TNFSF10: variants seen among roughly 807,000 people sequenced by gnomAD.
TNFSF10 encodes tumor necrosis factor ligand superfamily member 10.
A neutral mutation model predicts 29.5 loss-of-function variants in TNFSF10; 13 were observed. The ratio of observed to expected loss-of-function variants is 0.44; its 90% CI spans 0.29 to 0.70. TNFSF10 has a LOEUF of 0.70. TNFSF10 is among the 30% of genes least tolerant of loss of function. The pLI, the probability that TNFSF10 is intolerant of heterozygous loss-of-function variation, is 0.13. For synonymous variants in TNFSF10, 111 were observed against 112.8 expected (o/e 0.98, Z 0.10); for missense variants, 345 against 330.9 (o/e 1.04, Z -0.33).
chr3:172,510,166 A>AAGGGACTTAC (rs922240786), intron 3 of TNFSF10, among the ~76,000 whole-genome samples: 3 of 152,206 alleles, frequency 2.0e-5, no homozygotes, highest in African/African-American at 7.2e-5. Context: ...CCATGTCCTC[A>AAGGGACTTAC]AGGGACTTAC....
chr3:172,519,315 G>T (rs541062585), intron 1 of TNFSF10, among the ~76,000 whole-genome samples: 1 of 152,302 alleles, frequency 6.6e-6, no homozygotes, highest in East Asian at 1.9e-4. Context: ...CATTTTTATA[G>T]TAGAATTGAA....
intron 1 of TNFSF10, chr3:172,522,260 T>C: frequency 1.6e-6 from 1 of 642,014 alleles, no homozygotes; most frequent in East Asian, 3.0e-5. Context: ...CAAAGAGCAA[T>C]AGACCTCATG....
At chr3:172,514,180 T>C (rs1224509373) in intron 2 of TNFSF10, among the ~76,000 whole-genome samples, 1 of 152,202 alleles carries the variant, frequency 6.6e-6, no homozygotes, top group African/African-American at 2.4e-5. Context: ...AGGAAGAGCC[T>C]AAGAGAAGAA....
intron 1 of TNFSF10, among the ~76,000 whole-genome samples, chr3:172,521,120 A>G (rs1017563745): frequency 7.2e-5 from 11 of 152,222 alleles, no homozygotes; most frequent in African/African-American, 2.7e-4. Flanking sequence ...ACCTAGGCAT[A>G]CCATTCAAGA....
intron 1 of TNFSF10, among the ~76,000 whole-genome samples, chr3:172,515,768 A>G (rs1481498753): frequency 6.6e-6 from 1 of 152,062 alleles, no homozygotes; most frequent in African/African-American, 2.4e-5. Flanking sequence ...AAACACACAC[A>G]CACACCCACA....
chr3:172,518,066 G>A (rs555447430), intron 1 of TNFSF10: 29 of 1,002,970 alleles, frequency 2.9e-5, no homozygotes, highest in Non-Finnish European at 3.5e-5. Flanking sequence ...TAATTAATAC[G>A]ATACGTCTCC....
intron 4 of TNFSF10, chr3:172,507,319 C>T (rs904855933): frequency 7.1e-5 from 12 of 168,192 alleles, no homozygotes; most frequent in Admixed American, 1.8e-4. Flanking sequence ...AGAAGGAAAC[C>T]GAAATAAACG....
chr3:172,520,112 C>T (rs1007465751), intron 1 of TNFSF10, among the ~76,000 whole-genome samples: 2 of 152,202 alleles, frequency 1.3e-5, no homozygotes, highest in African/African-American at 4.8e-5. Context: ...TAATTCTCTA[C>T]TATTTAATAT....
intron 2 of TNFSF10, 73 bp from the exon 3 acceptor site, chr3:172,511,732 A>C: frequency 1.6e-5 from 21 of 1,312,554 alleles, no homozygotes; most frequent in Non-Finnish European, 2.0e-5. Flanking sequence ...CCTATGGCTC[A>C]TCTTGCTGAT....
intron 2 of TNFSF10, among the ~76,000 whole-genome samples, chr3:172,514,181 A>G (rs1713342185): frequency 6.6e-6 from 1 of 152,212 alleles, no homozygotes; most frequent in African/African-American, 2.4e-5. Context: ...GGAAGAGCCT[A>G]AGAGAAGAAA....
chr3:172,515,660 G>A (rs1449399213), intron 1 of TNFSF10, among the ~76,000 whole-genome samples: 1 of 151,968 alleles, frequency 6.6e-6, no homozygotes, highest in Non-Finnish European at 1.5e-5. Context: ...CTCTTTGAAG[G>A]TTTTCTCCCT....
intron 1 of TNFSF10, chr3:172,522,185 G>A (rs773253324): frequency 1.2e-4 from 44 of 378,696 alleles, no homozygotes; most frequent in Non-Finnish European, 1.8e-4. Flanking sequence ...TTCTGTACAC[G>A]TATCCCAGAA....
In TNFSF10 at chr3:172,509,206, G is replaced by C. The variant is rs1257097980; in HGVS notation, c.418+11C>G. 2 of 1,605,168 alleles carry C rather than the reference G, an allele frequency of 1.2e-6. No homozygotes were observed. Among genetic ancestry groups the C allele is most frequent in the African/African-American group, 2.7e-5 (2 of 74,618 alleles). ...TTTTCCCTTAAGTCACTTATTTGTT[G>C]TTTCTCTTACTTGGAGAAGACAATG... On this transcript the variant is annotated intron_variant, in intron 4 of 4. Coordinates refer to ENST00000241261, the MANE Select transcript of TNFSF10 (RefSeq NM_003810.4).
rs1320583352 is a variant in TNFSF10 at position 172,505,567 on chromosome 3, GA to G, written c.*924del. On this transcript the variant is annotated 3_prime_UTR_variant, in exon 5 of 5. Coordinates refer to ENST00000241261, the MANE Select transcript of TNFSF10 (RefSeq NM_003810.4). ...CTGTAATATGTGTCAAAGATATTAT[GA>G]AAAAAAGATTAGAAGTCTTTTCCCC... is the stretch of plus-strand genomic sequence containing the variant. 5.9e-5 allele frequency: 9 copies of G among 151,854 alleles called. No individual in the cohort carries two copies. Among genetic ancestry groups the G allele is most frequent in the African/African-American group, 1.7e-4 (7 of 41,424 alleles). 9.4% of individuals were successfully genotyped at this position (151,854 alleles called of 1,614,324 possible).
At chr3:172,518,326 T>C in intron 1 of TNFSF10, 1 of 1,241,292 alleles carries the variant, frequency 8.1e-7, no homozygotes, top group Non-Finnish European at 1.0e-6. Flanking sequence ...ACAAACACGG[T>C]GGTTGTCTAG....
At position 172,506,880 on chromosome 3, in the gene TNFSF10, G is replaced by A; in HGVS notation, c.458C>T (p.Ser153Phe). 1 of 1,613,586 alleles carries A rather than the reference G, an allele frequency of 6.2e-7. No individual in the cohort carries two copies. The highest frequency in any genetic ancestry group is 8.5e-7 in the Non-Finnish European group (1 of 1,179,862). ...NEKALGRKIN[S>F]WESSRSGHSF... ...ATGCCCACTCCTTGATGATTCCCAGGAGTTTATTTTGCGGCCCAGAGCCTT... is the reference window on the plus strand; with the variant it reads ...ATGCCCACTCCTTGATGATTCCCAGAAGTTTATTTTGCGGCCCAGAGCCTT... The change falls in exon 5 of 5, where the codon TCC (serine) becomes TTC (phenylalanine). Residue 153 changes from serine to phenylalanine, a missense_variant. Coordinates refer to ENST00000241261, the MANE Select transcript of TNFSF10 (RefSeq NM_003810.4).
chr3:172,516,643 T>C (rs931603559), intron 1 of TNFSF10, among the ~76,000 whole-genome samples: 1 of 152,212 alleles, frequency 6.6e-6, no homozygotes, highest in Non-Finnish European at 1.5e-5. Context: ...GAGAAAAACA[T>C]TCCCGTAGTA....
chr3:172,523,181 G>C, intron 1 of TNFSF10, 72 bp downstream of exon 1: 3 of 1,490,422 alleles, frequency 2.0e-6, no homozygotes, highest in Non-Finnish European at 2.7e-6. Flanking sequence ...GGGGCAAGCT[G>C]ACATGCAAAG....
rs231983 is a variant in TNFSF10, at chr3:172,518,650, T to G, written c.133-3652A>C. On this transcript the variant is annotated intron_variant, in intron 1 of 4. Transcript: ENST00000241261. ...CATGTTTGCTGGTCTACAGGCTATT[T>G]GTGAAGGTCCAATCCAATGTTATGA... 0.48 allele frequency among the ~76,000 whole-genome samples: 72,870 copies of G among 152,036 alleles called. 18,585 individuals are homozygous for G. Among genetic ancestry groups the G allele is most frequent in the East Asian group, 0.83 (4,271 of 5,174 alleles).
Sources: allele counts gnomAD v4.1 joint callset (sites outside exome capture counted in the v4.1 genomes callset), GRCh38; gene constraint gnomAD v4.1.1; transcripts MANE v1.5; gene names NCBI Gene and HGNC (gene_info 2026-07-23, HGNC 2026-07-21).